Variants in AGPS observed in about 807,000 individuals in gnomAD.
The protein encoded by AGPS is alkylglycerone phosphate synthase.
A neutral mutation model predicts 90.7 loss-of-function variants in AGPS; 26 were observed. That is an observed-to-expected ratio of 0.29 (90% CI 0.21 to 0.40). AGPS has a LOEUF of 0.40. AGPS is among the 10% of genes least tolerant of loss of function. AGPS has a pLI of 1.00. For synonymous variants in AGPS, 294 were observed against 285.3 expected (o/e 1.03, Z -0.31); for missense variants, 540 against 816.1 (o/e 0.66, Z 4.12).
intron 2 of AGPS, among the ~76,000 whole-genome samples, chr2:177,432,196 G>A (rs60131586): frequency 0.026 from 4,021 of 152,180 alleles, 180 homozygotes; most frequent in African/African-American, 0.092. Context: ...GATTTCATTG[G>A]CCTTGAAAAC....
intron 11 of AGPS, among the ~76,000 whole-genome samples, chr2:177,486,516 C>T (rs1437637098): frequency 3.3e-5 from 5 of 151,668 alleles, no homozygotes; most frequent in Non-Finnish European, 7.4e-5. Context: ...AATTAAGATC[C>T]ATTAAAGTAG....
At chr2:177,400,304 G>C (rs1685297479) in intron 1 of AGPS, among the ~76,000 whole-genome samples, 1 of 152,038 alleles carries the variant, frequency 6.6e-6, no homozygotes, top group Admixed American at 6.6e-5. Context: ...AAAATCATAA[G>C]TCCAACTCTA....
chr2:177,511,445 A>G (rs983162785), intron 16 of AGPS, among the ~76,000 whole-genome samples: 10 of 152,144 alleles, frequency 6.6e-5, no homozygotes, highest in African/African-American at 2.4e-4. Context: ...ATTAAAACCA[A>G]GAAAGTGGAT....
At chr2:177,509,653 G>A (rs112246420) in intron 16 of AGPS, among the ~76,000 whole-genome samples, 12,271 of 131,540 alleles carry the variant, frequency 0.093, 815 homozygotes, top group East Asian at 0.36. Flanking sequence ...GCGACACAGC[G>A]AGACTCCATC....
intron 9 of AGPS, among the ~76,000 whole-genome samples, chr2:177,463,618 A>G (rs1407558417): frequency 6.6e-6 from 1 of 152,134 alleles, no homozygotes; most frequent in East Asian, 1.9e-4. Flanking sequence ...TTTTGTCTAT[A>G]TTGTGAATAC....
At chr2:177,493,105 C>T in intron 11 of AGPS, 43 bp from the exon 12 acceptor site, 1 of 1,516,962 alleles carries the variant, frequency 6.6e-7, no homozygotes, top group Non-Finnish European at 9.1e-7. Flanking sequence ...TAGCTTCTTA[C>T]TGTATTAAAT....
intron 11 of AGPS, among the ~76,000 whole-genome samples, chr2:177,483,047 A>G (rs1353601145): frequency 6.6e-6 from 1 of 152,080 alleles, no homozygotes; most frequent in Non-Finnish European, 1.5e-5. Context: ...CTTGAGGACA[A>G]GGGAGTTTTT....
chr2:177,429,485 G>A (rs1169488818), intron 2 of AGPS, among the ~76,000 whole-genome samples: 2 of 152,162 alleles, frequency 1.3e-5, no homozygotes, highest in Non-Finnish European at 2.9e-5. Context: ...TGACCTTTGA[G>A]TGGGATTTTT....
Position 177,493,265 on chromosome 2 carries a change from A to C in AGPS, c.1285+66A>C. 2.2e-6 allele frequency: 3 copies of C among 1,371,124 alleles called. No homozygotes were observed. The South Asian group carries it at 3.5e-5, about 16-fold the overall frequency. 84.9% of individuals were successfully genotyped at this position (1,371,124 alleles called of 1,614,324 possible). A position where few individuals can be genotyped will look rare whatever the true frequency, so the allele number is the denominator to read the frequency against. On this transcript the variant is annotated intron_variant, in intron 12 of 19. Coordinates refer to ENST00000264167, the MANE Select transcript of AGPS (RefSeq NM_003659.4). ...AGAAATTTATGAAACATCAGTAGGA[A>C]GAGTACGGAGTGCAGAGGTAGAAAG...
intron 8 of AGPS, among the ~76,000 whole-genome samples, chr2:177,460,251 A>G (rs1432846457): frequency 6.6e-6 from 1 of 152,136 alleles, no homozygotes; most frequent in Non-Finnish European, 1.5e-5. Context: ...CCACCATGGC[A>G]TGTGTATACC....
chr2:177,429,363 T>C (rs1434883396), intron 2 of AGPS, among the ~76,000 whole-genome samples: 1 of 152,200 alleles, frequency 6.6e-6, no homozygotes, highest in Non-Finnish European at 1.5e-5. Context: ...TGGAGAGGTA[T>C]TGTGGTCATT....
At position 177,542,970 on chromosome 2, in the gene AGPS, A is replaced by G. The variant is rs1216289448; in HGVS notation, c.*4775A>G. The G allele has an allele frequency of 6.6e-6, 1 of 152,198 alleles. No individual in the cohort carries two copies. Among genetic ancestry groups the G allele is most frequent in the Non-Finnish European group, 1.5e-5 (1 of 68,036 alleles). 9.4% of individuals were successfully genotyped at this position (152,198 alleles called of 1,614,324 possible). On this transcript the variant is annotated 3_prime_UTR_variant, in exon 20 of 20. Transcript: ENST00000264167. ...AACATGTCAGGAATTAAGCAGTTAT[A>G]TGTGGAAACACTGGTAATTCTTTCC...
At chr2:177,396,060 A>G (rs1685163502) in intron 1 of AGPS, among the ~76,000 whole-genome samples, 1 of 118,802 alleles carries the variant, frequency 8.4e-6, no homozygotes, top group African/African-American at 3.2e-5. Context: ...CACAAAGGAA[A>G]GACTGACTTA....
intron 16 of AGPS, among the ~76,000 whole-genome samples, chr2:177,509,514 A>C (rs1218529412): frequency 1.3e-5 from 2 of 152,050 alleles, no homozygotes; most frequent in Admixed American, 1.3e-4. Flanking sequence ...AAAATACAAA[A>C]AATTAGCTGG....
At chr2:177,404,163 C>T (rs1437728649) in intron 1 of AGPS, among the ~76,000 whole-genome samples, 1 of 152,062 alleles carries the variant, frequency 6.6e-6, no homozygotes, top group Admixed American at 6.6e-5. Flanking sequence ...AAGCAGCTTT[C>T]CAGAAATTTA....
chr2:177,449,313 C>A (rs908861736), intron 8 of AGPS, among the ~76,000 whole-genome samples: 1 of 152,194 alleles, frequency 6.6e-6, no homozygotes. Flanking sequence ...CCCACCAGCA[C>A]TGTATAAGAG....
At chr2:177,521,808 G>T (rs1689201267) in intron 18 of AGPS, among the ~76,000 whole-genome samples, 1 of 152,092 alleles carries the variant, frequency 6.6e-6, no homozygotes, top group Non-Finnish European at 1.5e-5. Context: ...GGTGCTTTGG[G>T]TTCATTAGCT....
chr2:177,393,294 G>A (rs1685077450), intron 1 of AGPS: 1 of 985,400 alleles, frequency 1.0e-6, no homozygotes, highest in South Asian at 4.7e-5. Context: ...AAGAACTCTC[G>A]TTGGAGAAGG....
At chr2:177,523,838 TCTTA>T in intron 19 of AGPS, 33 bp downstream of exon 19, 1 of 1,557,190 alleles carries the variant, frequency 6.4e-7, no homozygotes, top group Non-Finnish European at 8.9e-7. Context: ...TTTCTAATAT[TCTTA>T]CTTTAAAAAA....
Sources: allele counts gnomAD v4.1 joint callset (sites outside exome capture counted in the v4.1 genomes callset), GRCh38; gene constraint gnomAD v4.1.1; transcripts MANE v1.5; gene names NCBI Gene and HGNC (gene_info 2026-07-23, HGNC 2026-07-21).